MAGI2: variants seen among roughly 807,000 people sequenced by gnomAD.
The protein encoded by MAGI2 is membrane-associated guanylate kinase, WW and PDZ domain-containing protein 2.
MAGI2 carries 35 observed loss-of-function variants against 133.3 expected under a neutral mutation model. The ratio of observed to expected loss-of-function variants is 0.26; its 90% CI spans 0.20 to 0.35. The LOEUF (loss-of-function observed/expected upper bound fraction) is 0.35. Among genes scored for constraint, MAGI2 ranks in the 10% least tolerant of loss-of-function variants. MAGI2 has a pLI of 1.00. For synonymous variants in MAGI2, 729 were observed against 710.6 expected (o/e 1.03, Z -0.41); for missense variants, 1,636 against 1,863.4 (o/e 0.88, Z 2.25).
intron 2 of MAGI2, among the ~76,000 whole-genome samples, chr7:78,961,131 G>A (rs1802801603): frequency 6.6e-6 from 1 of 152,078 alleles, no homozygotes; most frequent in South Asian, 2.1e-4. Flanking sequence ...TTATTTTTAT[G>A]TACTTAGGGA....
At chr7:79,342,525 A>G (rs1840978132) in intron 1 of MAGI2, among the ~76,000 whole-genome samples, 1 of 152,198 alleles carries the variant, frequency 6.6e-6, no homozygotes, top group South Asian at 2.1e-4. Context: ...TTATTATGCA[A>G]TTAAAAGGAT....
intron 1 of MAGI2, among the ~76,000 whole-genome samples, chr7:79,122,896 T>C (rs1464171143): frequency 6.6e-6 from 1 of 152,162 alleles, no homozygotes; most frequent in Non-Finnish European, 1.5e-5. Flanking sequence ...TTCCCCATGT[T>C]GGCCAGGCTG....
chr7:79,358,187 A>C (rs533871687), intron 1 of MAGI2, among the ~76,000 whole-genome samples: 1 of 152,004 alleles, frequency 6.6e-6, no homozygotes, highest in African/African-American at 2.4e-5. Flanking sequence ...TCCCCACCTA[A>C]CGCCAACACT....
At chr7:78,402,254 G>A (rs1167393188) in intron 6 of MAGI2, among the ~76,000 whole-genome samples, 1 of 147,300 alleles carries the variant, frequency 6.8e-6, no homozygotes, top group Admixed American at 6.8e-5. Context: ...CTACCTGGGG[G>A]GTGTGTGCGT....
intron 20 of MAGI2, among the ~76,000 whole-genome samples, chr7:78,118,110 A>T (rs10239347): frequency 0.86 from 130,029 of 151,730 alleles, 56,120 homozygotes; most frequent in African/African-American, 0.91. Flanking sequence ...AAAAATAGTT[A>T]TCTCAACAAA....
At chr7:78,785,805 A>G (rs980446332) in intron 2 of MAGI2, among the ~76,000 whole-genome samples, 1 of 152,224 alleles carries the variant, frequency 6.6e-6, no homozygotes, top group Non-Finnish European at 1.5e-5. Context: ...ATTTTAGAGA[A>G]AAGCTGAAGG....
chr7:78,544,971 T>G (rs144642403), intron 3 of MAGI2, among the ~76,000 whole-genome samples: 142 of 151,396 alleles, frequency 9.4e-4, no homozygotes, highest in African/African-American at 3.2e-3. Context: ...TATCTTAATT[T>G]CGTAATCTAG....
chr7:79,337,061 T>C (rs1840487662), intron 1 of MAGI2, among the ~76,000 whole-genome samples: 1 of 152,018 alleles, frequency 6.6e-6, no homozygotes, highest in African/African-American at 2.4e-5. Flanking sequence ...ACAGTAATCA[T>C]ACTACTATCT....
chr7:78,476,767 T>G (rs1278508560), intron 6 of MAGI2, among the ~76,000 whole-genome samples: 2 of 151,954 alleles, frequency 1.3e-5, no homozygotes, highest in Non-Finnish European at 2.9e-5. Context: ...CATGGATAGC[T>G]GTGTGACTGG....
intron 10 of MAGI2, among the ~76,000 whole-genome samples, chr7:78,222,699 C>A (rs1349030879): frequency 2.0e-5 from 3 of 152,168 alleles, no homozygotes; most frequent in African/African-American, 7.2e-5. Context: ...AACTAACAGT[C>A]ACTTTATGTA....
intron 3 of MAGI2, among the ~76,000 whole-genome samples, chr7:78,594,610 A>T (rs1299941105): frequency 2.0e-5 from 3 of 152,122 alleles, no homozygotes. Context: ...GGCAAGCACC[A>T]CCATGCCCAG....
At chr7:78,607,395 G>A (rs183222386) in intron 3 of MAGI2, among the ~76,000 whole-genome samples, 1 of 151,834 alleles carries the variant, frequency 6.6e-6, no homozygotes, top group African/African-American at 2.4e-5. Flanking sequence ...CAGTTTCCGC[G>A]GCTGGCAGGC....
At chr7:79,070,782 C>A (rs774969318) in intron 1 of MAGI2, among the ~76,000 whole-genome samples, 1 of 152,020 alleles carries the variant, frequency 6.6e-6, no homozygotes, top group Non-Finnish European at 1.5e-5. Context: ...TGAGCCACCG[C>A]GCCCAGCCCA....
intron 3 of MAGI2, among the ~76,000 whole-genome samples, chr7:78,608,723 T>G (rs1403950311): frequency 6.6e-6 from 1 of 152,144 alleles, no homozygotes; most frequent in South Asian, 2.1e-4. Flanking sequence ...CTTTAATTTA[T>G]GCAAAGAGAA....
intron 9 of MAGI2, among the ~76,000 whole-genome samples, chr7:78,326,032 A>G (rs1788547467): frequency 6.6e-6 from 1 of 152,062 alleles, no homozygotes; most frequent in African/African-American, 2.4e-5. Context: ...CTTTCACCTT[A>G]AGTTCTGTTT....
intron 3 of MAGI2, among the ~76,000 whole-genome samples, chr7:78,611,702 C>T (rs1806464181): frequency 6.6e-6 from 1 of 152,188 alleles, no homozygotes; most frequent in African/African-American, 2.4e-5. Context: ...GCCTGGGATG[C>T]AAACAATTCC....
chr7:79,402,687 C>T lies in MAGI2; in HGVS notation c.301+50333G>A, dbSNP rs772453367. ...CATTTAAAAATGTTTTCAGGCTGGG[C>T]GCAGTGGCTCACACCTGTAAACCTA... On this transcript the variant is annotated intron_variant, in intron 1 of 21. Transcript: ENST00000354212. 5.9e-5 allele frequency among the ~76,000 whole-genome samples: 9 copies of T among 152,142 alleles called. No individual in the cohort carries two copies. The South Asian group carries it at 1.5e-3, about 25-fold the overall frequency.
At position 78,898,846 on chromosome 7, in the gene MAGI2, T is replaced by C. The variant is rs371344356; in HGVS notation, c.418+108244A>G. ...AAATATTCAAACTCATAATTTTCTA[T>C]TTATTTAATAACATTTCCCTTCTAT... is the stretch of plus-strand genomic sequence containing the variant. On this transcript the variant is annotated intron_variant, in intron 2 of 21. Coordinates refer to ENST00000354212, the MANE Select transcript of MAGI2 (RefSeq NM_012301.4). Among the ~76,000 whole-genome samples, 45 of 152,338 alleles carry C rather than the reference T, an allele frequency of 3.0e-4. 1 individual carries two copies. The East Asian group carries it at 8.7e-3, about 29-fold the overall frequency.
At chr7:78,749,828 A>T (rs1823281323) in intron 2 of MAGI2, among the ~76,000 whole-genome samples, 1 of 152,228 alleles carries the variant, frequency 6.6e-6, no homozygotes. Context: ...TACTTCCTCC[A>T]AAGAAAAATT....
Sources: allele counts gnomAD v4.1 joint callset (sites outside exome capture counted in the v4.1 genomes callset), GRCh38; gene constraint gnomAD v4.1.1; transcripts MANE v1.5; gene names NCBI Gene and HGNC (gene_info 2026-07-23, HGNC 2026-07-21).